GNAQ: variants seen among roughly 807,000 people sequenced by gnomAD.
GNAQ encodes the protein G protein subunit alpha q.
A neutral mutation model predicts 43.9 loss-of-function variants in GNAQ; 8 were observed. The ratio of observed to expected loss-of-function variants is 0.18; its 90% CI spans 0.11 to 0.33. The LOEUF (loss-of-function observed/expected upper bound fraction) is 0.33. GNAQ is among the 10% of genes least tolerant of loss of function. The pLI is 1.00. For synonymous variants in GNAQ, 155 were observed against 170.7 expected (o/e 0.91, Z 0.71); for missense variants, 158 against 450.8 (o/e 0.35, Z 5.88).
At chr9:77,770,701 G>A (rs1233792144) in intron 5 of GNAQ, among the ~76,000 whole-genome samples, 1 of 152,066 alleles carries the variant, frequency 6.6e-6, no homozygotes, top group Non-Finnish European at 1.5e-5. Context: ...CAAGAACTCG[G>A]GCAAGAACTT....
intron 3 of GNAQ, among the ~76,000 whole-genome samples, chr9:77,807,863 G>A (rs889692899): frequency 6.6e-6 from 1 of 152,180 alleles, no homozygotes; most frequent in Non-Finnish European, 1.5e-5. Context: ...TATGATCTCT[G>A]TTACAACTAT....
At chr9:77,947,051 A>T (rs1425329043) in intron 1 of GNAQ, among the ~76,000 whole-genome samples, 1 of 152,162 alleles carries the variant, frequency 6.6e-6, no homozygotes, top group Non-Finnish European at 1.5e-5. Flanking sequence ...GTTCTTTCAG[A>T]CCTTCAGGCT....
chr9:77,947,175 T>C (rs1187483275), intron 1 of GNAQ, among the ~76,000 whole-genome samples: 1 of 152,242 alleles, frequency 6.6e-6, no homozygotes, highest in Non-Finnish European at 1.5e-5. Flanking sequence ...CTATGTCTAT[T>C]ATGTGATTAC....
rs1289009525 is a variant in GNAQ at position 77,720,129 on chromosome 9, T to G, written c.*1194A>C. ...GAACATGGGACGTGAACACTAACAA[T>G]GTCATCTTAAGGACAAAGAAAAGAA... On this transcript the variant is annotated 3_prime_UTR_variant, in exon 7 of 7. Coordinates refer to ENST00000286548, the MANE Select transcript of GNAQ (RefSeq NM_002072.5). 4.3e-6 allele frequency: 1 copy of G among 232,934 alleles called. No homozygotes were observed. The highest frequency in any genetic ancestry group is 8.5e-6 in the Non-Finnish European group (1 of 117,866). 14.4% of individuals were successfully genotyped at this position (232,934 alleles called of 1,614,324 possible).
At chr9:77,967,203 C>T (rs1042090433) in intron 1 of GNAQ, among the ~76,000 whole-genome samples, 2 of 152,270 alleles carry the variant, frequency 1.3e-5, no homozygotes, top group South Asian at 4.1e-4. Flanking sequence ...GCTGCCCTGT[C>T]CCAGGTACAT....
intron 2 of GNAQ, among the ~76,000 whole-genome samples, chr9:77,907,822 T>C (rs1204643928): frequency 6.6e-6 from 1 of 152,204 alleles, no homozygotes; most frequent in Non-Finnish European, 1.5e-5. Flanking sequence ...GACACGGCAG[T>C]AACTTTAGCT....
At chr9:77,997,768 T>C (rs774164555) in intron 1 of GNAQ, among the ~76,000 whole-genome samples, 1 of 152,182 alleles carries the variant, frequency 6.6e-6, no homozygotes, top group Non-Finnish European at 1.5e-5. Context: ...AAGCCATTAA[T>C]CACAGGCACC....
intron 2 of GNAQ, among the ~76,000 whole-genome samples, chr9:77,875,924 T>C (rs1014600690): frequency 6.6e-6 from 1 of 152,176 alleles, no homozygotes; most frequent in South Asian, 2.1e-4. Flanking sequence ...AACCTACCTA[T>C]GGAGAGGTGC....
intron 2 of GNAQ, among the ~76,000 whole-genome samples, chr9:77,893,224 G>C (rs1828432269): frequency 6.6e-6 from 1 of 152,170 alleles, no homozygotes; most frequent in Non-Finnish European, 1.5e-5. Flanking sequence ...TAAAGACCTT[G>C]CTGATAAAGC....
chr9:77,869,473 A>T (rs1564135878), intron 2 of GNAQ, among the ~76,000 whole-genome samples: 1 of 152,224 alleles, frequency 6.6e-6, no homozygotes, highest in Non-Finnish European at 1.5e-5. Context: ...CTTATGCAGA[A>T]TTTTGAATTA....
At chr9:77,988,079 A>G (rs1157441455) in intron 1 of GNAQ, among the ~76,000 whole-genome samples, 2 of 152,226 alleles carry the variant, frequency 1.3e-5, no homozygotes, top group Admixed American at 6.5e-5. Flanking sequence ...CTGAGACAGA[A>G]AAGAGGTTAG....
intron 2 of GNAQ, among the ~76,000 whole-genome samples, chr9:77,909,046 T>C (rs1828756504): frequency 6.6e-6 from 1 of 152,116 alleles, no homozygotes; most frequent in Non-Finnish European, 1.5e-5. Flanking sequence ...CTCTCCACTT[T>C]CTGTTTATAG....
In GNAQ at chr9:77,797,412, A is replaced by G. The variant is rs1826675251; in HGVS notation, c.605+108T>C. ...TAACTAATGATAATAATTGGTATAAAGCCTATCTTGTTTTGAAGCCTACAC... is the reference window on the plus strand; with the variant it reads ...TAACTAATGATAATAATTGGTATAAGGCCTATCTTGTTTTGAAGCCTACAC... On this transcript the variant is annotated intron_variant, in intron 4 of 6. Coordinates refer to ENST00000286548, the MANE Select transcript of GNAQ (RefSeq NM_002072.5). The G allele has an allele frequency of 6.2e-6, 5 of 807,770 alleles. No individual in the cohort carries two copies. In the Admixed American group the frequency reaches 1.0e-4, roughly 16 times the overall value. 50.0% of individuals were successfully genotyped at this position (807,770 alleles called of 1,614,324 possible).
At chr9:77,878,090 G>C (rs759221763) in intron 2 of GNAQ, among the ~76,000 whole-genome samples, 2 of 152,114 alleles carry the variant, frequency 1.3e-5, no homozygotes, top group Non-Finnish European at 1.5e-5. Context: ...AGAGTTTTTA[G>C]TTGCATTATG....
At chr9:77,873,237 G>A (rs546420129) in intron 2 of GNAQ, among the ~76,000 whole-genome samples, 18 of 152,234 alleles carry the variant, frequency 1.2e-4, no homozygotes, top group African/African-American at 4.1e-4. Context: ...GCACATGCAA[G>A]GTAGAACAGC....
rs548900261 is a variant in GNAQ at position 77,860,712 on chromosome 9, C to T, written c.322-44942G>A. Among the ~76,000 whole-genome samples, 167 of 152,194 alleles carry T rather than the reference C, an allele frequency of 1.1e-3. 1 individual carries two copies. The highest frequency in any genetic ancestry group is 6.8e-3 in the Middle Eastern group (2 of 294). ...TCACTGGTCCATGGCGCGGGATGTT[C>T]GGGACCCCTTCCATAACACACTGAA... On this transcript the variant is annotated intron_variant, in intron 2 of 6. Coordinates refer to ENST00000286548, the MANE Select transcript of GNAQ (RefSeq NM_002072.5).
chr9:77,740,665 AGTTG>A (rs1175599194), intron 5 of GNAQ, among the ~76,000 whole-genome samples: 1 of 152,164 alleles, frequency 6.6e-6, no homozygotes, highest in Non-Finnish European at 1.5e-5. Context: ...TATAATTAAT[AGTTG>A]GTTTTCTTTT....
In GNAQ at chr9:77,829,961, CTTTT is replaced by C. The variant is rs574469690; in HGVS notation, c.322-14195_322-14192del. On this transcript the variant is annotated intron_variant, in intron 2 of 6. Coordinates refer to ENST00000286548, the MANE Select transcript of GNAQ (RefSeq NM_002072.5). ...CTGAGACATGACCAATTTTTTTTTT[CTTTT>C]TTTGAGACAGGGTCTTACTCTTTTG... 4.7e-5 allele frequency among the ~76,000 whole-genome samples: 7 copies of C among 150,232 alleles called. No individual in the cohort carries two copies. In the South Asian group the frequency reaches 1.5e-3, roughly 32 times the overall value.
In GNAQ at chr9:77,981,878, T is replaced by C. The variant is rs140244440; in HGVS notation, c.136+49222A>G. ...ATTGGAATTCCCTATCACTTCCATA[T>C]GGCTAGTTAACTGCCTAACCATCCA... On this transcript the variant is annotated intron_variant, in intron 1 of 6. Transcript: ENST00000286548. Among the ~76,000 whole-genome samples, 1,066 of 152,364 alleles carry C rather than the reference T, an allele frequency of 7.0e-3. 19 individuals are homozygous for C. The highest frequency in any genetic ancestry group is 0.024 in the African/African-American group (990 of 41,588).
Sources: gnomAD v4.1 joint callset for allele counts (sites outside exome capture counted in the v4.1 genomes callset) on GRCh38, gnomAD v4.1.1 for gene constraint, MANE v1.5 for transcripts, NCBI Gene and HGNC (gene_info 2026-07-23, HGNC 2026-07-21) for gene names.